Variants in CDC14A observed in about 807,000 individuals in gnomAD.
CDC14A encodes dual specificity protein phosphatase CDC14A.
In CDC14A, 53 loss-of-function variants were observed where a neutral mutation model predicts 74.4. The ratio of observed to expected loss-of-function variants is 0.71; its 90% CI spans 0.57 to 0.89. CDC14A has a LOEUF of 0.89. Among genes scored for constraint, CDC14A ranks in the 40% least tolerant of loss-of-function variants. The pLI, the probability that CDC14A is intolerant of heterozygous loss-of-function variation, is 0.00. For missense variants in CDC14A, 646 were observed against 713.7 expected (o/e 0.91, Z 1.08); for synonymous variants, 247 against 258.4 (o/e 0.96, Z 0.43).
intron 9 of CDC14A, among the ~76,000 whole-genome samples, chr1:100,466,385 A>T (rs377183981): frequency 6.6e-6 from 1 of 152,208 alleles, no homozygotes; most frequent in Non-Finnish European, 1.5e-5. Flanking sequence ...TAACAACGAT[A>T]GGCACTGGGT....
At chr1:100,345,375 T>C (rs1343833289) in intron 1 of CDC14A, 1 of 152,244 alleles carries the variant, frequency 6.6e-6, no homozygotes, top group Non-Finnish European at 1.5e-5. Flanking sequence ...TTGTACAGCA[T>C]CACATTTGTA....
chr1:100,391,820 T>C (rs979452182), intron 4 of CDC14A, among the ~76,000 whole-genome samples: 1 of 152,226 alleles, frequency 6.6e-6, no homozygotes, highest in African/African-American at 2.4e-5. Context: ...AGTGGCAGAC[T>C]GTCAGCCAGG....
intron 4 of CDC14A, among the ~76,000 whole-genome samples, chr1:100,420,055 C>CATATATATATATATATATAT (rs1158640575): frequency 4.8e-5 from 1 of 21,052 alleles, no homozygotes; most frequent in Admixed American, 5.2e-4. Flanking sequence ...CACACACACA[C>CATATATATATATATATATAT]ACACACACAT....
intron 15 of CDC14A, chr1:100,499,472 T>A: frequency 6.9e-7 from 1 of 1,444,150 alleles, no homozygotes. Context: ...TGGGTTTTCT[T>A]CCTTCCTTCT....
intron 8 of CDC14A, among the ~76,000 whole-genome samples, chr1:100,460,441 C>T (rs1365119075): frequency 2.6e-5 from 4 of 152,140 alleles, no homozygotes; most frequent in African/African-American, 9.7e-5. Flanking sequence ...CAGGTGCTGT[C>T]ATGGAGGTCC....
chr1:100,515,730 GAAGTT>G (rs1650159212), intron 15 of CDC14A, among the ~76,000 whole-genome samples: 1 of 152,204 alleles, frequency 6.6e-6, no homozygotes, highest in Non-Finnish European at 1.5e-5. Context: ...AAAATGAAAG[GAAGTT>G]AATTTGTTAC....
chr1:100,511,831 C>A (rs551029551), intron 15 of CDC14A, among the ~76,000 whole-genome samples: 10 of 152,300 alleles, frequency 6.6e-5, no homozygotes, highest in African/African-American at 2.4e-4. Context: ...AATCTTTCCT[C>A]TATACTGTTG....
chr1:100,359,751 T>G (rs371897841), intron 2 of CDC14A, among the ~76,000 whole-genome samples: 1 of 151,894 alleles, frequency 6.6e-6, no homozygotes, highest in South Asian at 2.1e-4. Context: ...GGCTGTCTGG[T>G]GAAATGTTCT....
chr1:100,349,334 C>T (rs561932026), upstream of CDC14A, among the ~76,000 whole-genome samples: 4 of 152,230 alleles, frequency 2.6e-5, no homozygotes, highest in African/African-American at 7.2e-5. Context: ...ATATGTGAAA[C>T]GCCTTTATTG....
intron 8 of CDC14A, among the ~76,000 whole-genome samples, chr1:100,462,247 A>G (rs1483929669): frequency 6.6e-6 from 1 of 152,210 alleles, no homozygotes; most frequent in Admixed American, 6.5e-5. Flanking sequence ...ATGGCAAAAA[A>G]GCTTCAGCTG....
At chr1:100,444,930 AC>A (rs1338947982) in intron 7 of CDC14A, among the ~76,000 whole-genome samples, 2 of 152,204 alleles carry the variant, frequency 1.3e-5, no homozygotes, top group Non-Finnish European at 2.9e-5. Context: ...TATGAAAAAA[AC>A]CCAAAGAGAG....
At chr1:100,438,412 C>T (rs1378699795) in intron 5 of CDC14A, among the ~76,000 whole-genome samples, 1 of 152,132 alleles carries the variant, frequency 6.6e-6, no homozygotes, top group African/African-American at 2.4e-5. Flanking sequence ...ACCCCAAAGA[C>T]AAGTGTCTGC....
intron 10 of CDC14A, among the ~76,000 whole-genome samples, chr1:100,473,128 T>G (rs1049790915): frequency 1.3e-5 from 2 of 152,112 alleles, no homozygotes; most frequent in African/African-American, 4.8e-5. Context: ...ATAGGAAGTA[T>G]GTTAATCCTC....
chr1:100,509,497 T>TAGA (rs1250506144), intron 15 of CDC14A, among the ~76,000 whole-genome samples: 2,513 of 152,338 alleles, frequency 0.016, 62 homozygotes, highest in African/African-American at 0.058. Context: ...GCATCTTTTC[T>TAGA]AATACTGTGT....
chr1:100,394,654 T>A (rs1000408414), intron 4 of CDC14A, among the ~76,000 whole-genome samples: 2 of 152,208 alleles, frequency 1.3e-5, no homozygotes, highest in Non-Finnish European at 2.9e-5. Flanking sequence ...TGAGCTTGTC[T>A]TACACACTAG....
intron 4 of CDC14A, among the ~76,000 whole-genome samples, chr1:100,396,420 A>G (rs1421878700): frequency 6.6e-6 from 1 of 152,194 alleles, no homozygotes; most frequent in Non-Finnish European, 1.5e-5. Context: ...TTTTGAGTGA[A>G]TGAATAATGG....
chr1:100,383,220 G>A (rs543355279), intron 3 of CDC14A, among the ~76,000 whole-genome samples: 26 of 152,226 alleles, frequency 1.7e-4, no homozygotes, highest in African/African-American at 4.1e-4. Flanking sequence ...GAAGAACCCC[G>A]TTTATAGAGA....
intron 9 of CDC14A, among the ~76,000 whole-genome samples, chr1:100,467,023 A>G (rs1667903893): frequency 6.6e-6 from 1 of 152,092 alleles, no homozygotes; most frequent in African/African-American, 2.4e-5. Flanking sequence ...TGTGACAGTG[A>G]AATTTCATGG....
chr1:100,457,171 C>T (rs902929080), intron 8 of CDC14A, among the ~76,000 whole-genome samples: 3 of 152,084 alleles, frequency 2.0e-5, no homozygotes, highest in Admixed American at 6.6e-5. Context: ...TGTTTGACTA[C>T]GTTTTCTTAA....
Sources: gnomAD v4.1 joint callset for allele counts (sites outside exome capture counted in the v4.1 genomes callset) on GRCh38, gnomAD v4.1.1 for gene constraint, MANE v1.5 for transcripts, NCBI Gene and HGNC (gene_info 2026-07-23, HGNC 2026-07-21) for gene names.